The following PROSER2 variants were observed in gnomAD, a reference collection of about 807,000 sequenced individuals.
The protein encoded by PROSER2 is proline and serine rich 2, also known as proline and serine-rich protein 2.
A neutral mutation model predicts 14.6 loss-of-function variants in PROSER2; 18 were observed. That is an observed-to-expected ratio of 1.23 (90% CI 0.85 to 1.83). The LOEUF (loss-of-function observed/expected upper bound fraction) is 1.83, where lower values mean the gene tolerates loss of function less well. Ranked by LOEUF, PROSER2 falls within the 40% of genes most tolerant of loss-of-function variation. PROSER2 has a pLI of 0.00. For synonymous variants in PROSER2, 367 were observed against 286.4 expected, an observed-to-expected ratio of 1.28 and a Z score of -2.84; for missense variants, 823 against 629.8, an observed-to-expected ratio of 1.31 and a Z score of -3.28.
intron 2 of PROSER2, among the ~76,000 whole-genome samples, chr10:11,854,914 T>G (rs1283171951): frequency 6.6e-6 from 1 of 151,990 alleles, no homozygotes; most frequent in Non-Finnish European, 1.5e-5. Context: ...TTTTTTTTTT[T>G]AATGTGACTT....
Position 11,869,816 on chromosome 10 carries a change from C to T in PROSER2, c.718C>T (p.Pro240Ser). 6.4e-7 allele frequency: 1 copy of T among 1,564,462 alleles called. No individual in the cohort carries two copies. The highest frequency in any genetic ancestry group is 1.2e-5 in the South Asian group (1 of 83,686). ...ARGPRSGDPG[P>S]GPSHPAQPKA... The stretch of plus-strand genomic sequence containing the variant: ...GGGGCCCCGCAGTGGAGACCCTGGC[C>T]CGGGGCCCAGCCACCCGGCGCAGCC... The change falls in exon 4 of 4, where the codon CCG becomes TCG. Residue 240 changes from proline (P) to serine (S), a missense_variant. Physicochemically the swap from Pro to Ser is moderately conservative, Grantham distance 74. Transcript: ENST00000277570. The surrounding 1 kb of genome is among the most constrained non-coding windows in gnomAD (Gnocchi z 4.4).
At chr10:11,835,295 T>C (rs1045615515) in intron 1 of PROSER2, among the ~76,000 whole-genome samples, 1 of 152,000 alleles carries the variant, frequency 6.6e-6, no homozygotes, top group African/African-American at 2.4e-5. Context: ...TGTGCAACTT[T>C]AGTGTGGTGG....
chr10:11,869,805 G>T lies in PROSER2; in HGVS notation c.707G>T (p.Gly236Val). The T allele has an allele frequency of 6.4e-7, 1 of 1,558,406 alleles. No individual in the cohort carries two copies. The highest frequency in any genetic ancestry group is 2.3e-5 in the East Asian group (1 of 42,686). ...RTPAARGPRS[G>V]DPGPGPSHPA... Reference sequence around the variant, plus strand: ...CCTGCCGCCCGGGGGCCCCGCAGTGGAGACCCTGGCCCGGGGCCCAGCCAC... The same window carrying T: ...CCTGCCGCCCGGGGGCCCCGCAGTGTAGACCCTGGCCCGGGGCCCAGCCAC... The change falls in exon 4 of 4, where the codon GGA (glycine) becomes GTA (valine). Residue 236 changes from glycine (G) to valine (V), a missense_variant. Gly to Val is a moderately radical substitution (Grantham distance 109). Coordinates refer to ENST00000277570, the MANE Select transcript of PROSER2 (RefSeq NM_153256.4). This position sits in a 1 kb window ranked among gnomAD's most constrained non-coding sequence, Gnocchi z 4.4.
intron 1 of PROSER2, among the ~76,000 whole-genome samples, chr10:11,843,795 C>T (rs1476007100): frequency 2.0e-5 from 3 of 151,544 alleles, no homozygotes; most frequent in Admixed American, 6.6e-5. Context: ...GAGGTTGCAG[C>T]GAGCCAAGAT....
intron 1 of PROSER2, among the ~76,000 whole-genome samples, chr10:11,826,390 C>A (rs1041098680): frequency 1.3e-5 from 2 of 152,088 alleles, no homozygotes; most frequent in African/African-American, 2.4e-5. Flanking sequence ...TGGGTCCGTA[C>A]CTGAAAGTAG....
In PROSER2 at chr10:11,852,007, T is replaced by A; in HGVS notation, c.-71T>A. The stretch of plus-strand genomic sequence containing the variant: ...GTTTGGTGTCTCTAGGAGTGAGCTG[T>A]TGCCGCAGAATGGGCTGCTGGCTCC... On this transcript the variant is annotated 5_prime_UTR_variant, in exon 2 of 4. The change creates a new upstream start codon in the 5' untranslated region. Transcript: ENST00000277570. 6.6e-7 allele frequency: 1 copy of A among 1,504,650 alleles called. No individual in the cohort carries two copies. The highest frequency in any genetic ancestry group is 8.9e-7 in the Non-Finnish European group (1 of 1,126,440). 93.2% of individuals were successfully genotyped at this position (1,504,650 alleles called of 1,614,324 possible).
chr10:11,856,668 C>A lies in PROSER2; in HGVS notation c.138+4453C>A, dbSNP rs1296679879. 1.3e-5 allele frequency among the ~76,000 whole-genome samples: 2 copies of A among 152,226 alleles called. No homozygotes were observed. The highest frequency in any genetic ancestry group is 4.8e-5 in the African/African-American group (2 of 41,460). ...CCCCCTCTCCCTACGCCCACAAGTG[C>A]TGTGGCCCTGAAGTCACACAGCGGT... On this transcript the variant is annotated intron_variant, in intron 2 of 3. Transcript: ENST00000277570. The surrounding 1 kb of genome is among the most constrained non-coding windows in gnomAD (Gnocchi z 5.3).
chr10:11,827,633 A>G (rs2131043121), intron 1 of PROSER2, among the ~76,000 whole-genome samples: 1 of 151,188 alleles, frequency 6.6e-6, no homozygotes, highest in Non-Finnish European at 1.5e-5. Flanking sequence ...GACCACGTAC[A>G]ATGTGCCAAG....
intron 1 of PROSER2, among the ~76,000 whole-genome samples, chr10:11,826,969 C>T (rs1314406098): frequency 1.3e-5 from 2 of 151,178 alleles, no homozygotes; most frequent in Non-Finnish European, 2.9e-5. Context: ...ACTGCAGCCT[C>T]AACCTTCCAG....
chr10:11,846,192 G>C (rs1833921251), intron 1 of PROSER2, among the ~76,000 whole-genome samples: 1 of 152,052 alleles, frequency 6.6e-6, no homozygotes, highest in Non-Finnish European at 1.5e-5. Flanking sequence ...TTACCATGTT[G>C]GCTAGGCTGG....
intron 1 of PROSER2, among the ~76,000 whole-genome samples, chr10:11,848,846 T>C (rs1434213968): frequency 5.3e-5 from 8 of 152,164 alleles, no homozygotes; most frequent in Admixed American, 5.2e-4. Flanking sequence ...TTCTTTTTTC[T>C]GTTAGGAATG....
rs116172189 is a variant in PROSER2, at chr10:11,846,644, A to C, written c.-81-5353A>C. Among the ~76,000 whole-genome samples, 1,377 of 152,284 alleles carry C rather than the reference A, an allele frequency of 9.0e-3. 23 individuals carry two copies. The highest frequency in any genetic ancestry group is 0.031 in the African/African-American group (1,296 of 41,556). On this transcript the variant is annotated intron_variant, in intron 1 of 3. Transcript: ENST00000277570. ...TGCCTGTCGCTGGAAGCAGGGAGTC[A>C]CAGGTGTTTTATATTTCATCCAGCA...
In PROSER2 at chr10:11,848,137, GTTTGTT is replaced by G. The variant is rs1833952927; in HGVS notation, c.-81-3851_-81-3846del. Among the ~76,000 whole-genome samples, 3 of 151,676 alleles carry G rather than the reference GTTTGTT, an allele frequency of 2.0e-5. No homozygotes were observed. The South Asian group carries it at 6.3e-4, about 32-fold the overall frequency. ...CAAAGTGGGAGTGTGCCCCACTCTG[GTTTGTT>G]TTTGTTTTGTTTTGTTTTTGTTTGT... On this transcript the variant is annotated intron_variant, in intron 1 of 3. Transcript: ENST00000277570.
intron 1 of PROSER2, among the ~76,000 whole-genome samples, chr10:11,844,410 C>T (rs1314596564): frequency 6.6e-6 from 1 of 152,226 alleles, no homozygotes; most frequent in African/African-American, 2.4e-5. Context: ...CCTCAACTCA[C>T]TTCTACCCCT....
At chr10:11,857,757 A>AG (rs898122159) in intron 2 of PROSER2, among the ~76,000 whole-genome samples, 1 of 151,010 alleles carries the variant, frequency 6.6e-6, no homozygotes, top group African/African-American at 2.4e-5. Context: ...AAAAAAAAAA[A>AG]AAAAAAAGAA....
chr10:11,853,241 A>G (rs1834062222), intron 2 of PROSER2, among the ~76,000 whole-genome samples: 1 of 152,060 alleles, frequency 6.6e-6, no homozygotes, highest in African/African-American at 2.4e-5. Context: ...AATTTTCTAG[A>G]CCCCCACTTG....
chr10:11,843,002 A>G lies in PROSER2; in HGVS notation c.-81-8995A>G, dbSNP rs1157951324. On this transcript the variant is annotated intron_variant, in intron 1 of 3. Transcript: ENST00000277570. ...GTCGCCCAGGCTGGAGTGCTGTGGC[A>G]CGATCTCGGCTCACTGCAAGTTCCG... Among the ~76,000 whole-genome samples the G allele has an allele frequency of 1.0e-4, 13 of 125,764 alleles. 3 individuals carry two copies. The highest frequency in any genetic ancestry group is 3.7e-4 in the African/African-American group (12 of 32,646). The allele number at this position is 125,764 out of a possible 152,430, so 82.5% of individuals were successfully genotyped here. A position where few individuals can be genotyped will look rare whatever the true frequency, so the allele number is the denominator to read the frequency against.
intron 2 of PROSER2, 67 bp downstream of exon 2, chr10:11,852,282 C>G: frequency 6.8e-7 from 1 of 1,480,888 alleles, no homozygotes; most frequent in South Asian, 1.4e-5. Context: ...CAATCCCTCT[C>G]CCTTGAAGGA....
intron 1 of PROSER2, among the ~76,000 whole-genome samples, chr10:11,829,988 C>T (rs1269618944): frequency 1.3e-5 from 2 of 151,876 alleles, no homozygotes; most frequent in Non-Finnish European, 1.5e-5. Context: ...GGACTACAGG[C>T]GTGTGCCCCC....
Sources: gnomAD v4.1 joint callset for allele counts (sites outside exome capture counted in the v4.1 genomes callset) on GRCh38, gnomAD v4.1.1 for gene constraint, Gnocchi (gnomAD v3.1) non-coding constraint, MANE v1.5 for transcripts, NCBI Gene and HGNC (gene_info 2026-07-23, HGNC 2026-07-21) for gene names.